The following NACC2 variants were observed in gnomAD, a reference collection of about 807,000 sequenced individuals.
NACC2 encodes the protein NACC family member 2.
In NACC2, 8 loss-of-function variants were observed where a neutral mutation model predicts 25.1. The observed-to-expected ratio is 0.32, with a 90% CI of 0.19 to 0.57. The LOEUF is 0.57. Ranked by LOEUF, NACC2 falls within the 20% of genes least tolerant of loss-of-function variation. The probability of loss-of-function intolerance (pLI) is 0.89; values close to 1 mark genes in which losing one functional copy is unlikely to be tolerated. For synonymous variants in NACC2, 435 were observed against 294.7 expected (o/e 1.48, Z -4.88); for missense variants, 644 against 650.2 (o/e 0.99, Z 0.10).
At chr9:136,078,519 G>A (rs1442002467) in intron 1 of NACC2, among the ~76,000 whole-genome samples, 2 of 152,212 alleles carry the variant, frequency 1.3e-5, no homozygotes, top group Non-Finnish European at 2.9e-5. Flanking sequence ...AGAAAACTGA[G>A]GCTTGGAGGT....
At position 136,013,358 on chromosome 9, in the gene NACC2, C is replaced by A; in HGVS notation, c.1158-62G>T. The A allele has an allele frequency of 6.7e-7, 1 of 1,491,908 alleles. No homozygotes were observed. The highest frequency in any genetic ancestry group is 1.2e-5 in the South Asian group (1 of 84,834). 92.4% of individuals were successfully genotyped at this position (1,491,908 alleles called of 1,614,324 possible). Reference sequence around the variant, plus strand: ...TGATGGGGAGGGTACCTGGAGGCGACCCGCCCGCACGAATGCCCTGCTGGG... The same window carrying A: ...TGATGGGGAGGGTACCTGGAGGCGAACCGCCCGCACGAATGCCCTGCTGGG... On this transcript the variant is annotated intron_variant, in intron 4 of 5. Transcript: ENST00000277554. This position sits in a 1 kb window ranked among gnomAD's most constrained non-coding sequence, Gnocchi z 6.6.
chr9:136,078,302 A>G (rs556537553), intron 1 of NACC2, among the ~76,000 whole-genome samples: 1 of 152,274 alleles, frequency 6.6e-6, no homozygotes, highest in East Asian at 1.9e-4. Context: ...GAATTCCACG[A>G]AGCTCAGTCC....
intron 1 of NACC2, among the ~76,000 whole-genome samples, chr9:136,062,157 CAGGACAGGACAGGACAGGAA>C (rs1472684050): frequency 5.1e-5 from 7 of 137,464 alleles, no homozygotes; most frequent in South Asian, 2.3e-4. Flanking sequence ...CAGGACAGGA[CAGGACAGGACAGGACAGGAA>C]AGGAAAGAGA....
At chr9:136,080,147 G>A (rs535833280) in intron 1 of NACC2, among the ~76,000 whole-genome samples, 1 of 152,206 alleles carries the variant, frequency 6.6e-6, no homozygotes, top group Non-Finnish European at 1.5e-5. Context: ...AAAAGCCAAC[G>A]GTTTGACCAC....
At chr9:136,077,518 A>G (rs4842107) in intron 1 of NACC2, among the ~76,000 whole-genome samples, 151,366 of 152,360 alleles carry the variant, frequency 0.99, 75,196 homozygotes, top group Middle Eastern at 1. Flanking sequence ...TTTGCAACAT[A>G]TGTATCTTCA....
intron 1 of NACC2, among the ~76,000 whole-genome samples, chr9:136,052,943 G>A (rs970604506): frequency 6.6e-6 from 1 of 152,232 alleles, no homozygotes; most frequent in Non-Finnish European, 1.5e-5. Flanking sequence ...CTCTGCGTGG[G>A]GCCCTGAGGC....
chr9:136,053,131 A>C (rs1007685180), intron 1 of NACC2, among the ~76,000 whole-genome samples: 1 of 152,174 alleles, frequency 6.6e-6, no homozygotes, highest in African/African-American at 2.4e-5. Flanking sequence ...GATGCGGAGG[A>C]GGCCCGAACA....
At chr9:136,024,175 TGTG>T (rs1840341909) in intron 2 of NACC2, among the ~76,000 whole-genome samples, 1 of 87,972 alleles carries the variant, frequency 1.1e-5, no homozygotes, top group South Asian at 3.3e-4. Flanking sequence ...TGTGTGTGTG[TGTG>T]AGGACGGAGT....
chr9:136,065,811 CAA>C (rs34024892), intron 1 of NACC2, among the ~76,000 whole-genome samples: 3 of 136,864 alleles, frequency 2.2e-5, no homozygotes. Context: ...ACCCTGTCTC[CAA>C]AAAAAAAAAA....
At chr9:136,016,877 C>T (rs529527853) in intron 2 of NACC2, among the ~76,000 whole-genome samples, 23 of 152,228 alleles carry the variant, frequency 1.5e-4, no homozygotes, top group African/African-American at 5.5e-4. Flanking sequence ...AGGGCAGCCA[C>T]TTCTGGGGCC....
Position 136,013,674 on chromosome 9 carries a change from C to T in NACC2, c.1157+190G>A, listed in dbSNP as rs1175313604. On this transcript the variant is annotated intron_variant, in intron 4 of 5. Transcript: ENST00000277554. The surrounding 1 kb of genome is among the most constrained non-coding windows in gnomAD (Gnocchi z 6.6). ...CCACAAGCCCGTTTGAGAAAGGCCA[C>T]GAAAGACAGCCCCTCCCTCCCTCCC... 6.6e-6 allele frequency among the ~76,000 whole-genome samples: 1 copy of T among 152,166 alleles called. No homozygotes were observed. Among genetic ancestry groups the T allele is most frequent in the African/African-American group, 2.4e-5 (1 of 41,442 alleles).
intron 1 of NACC2, among the ~76,000 whole-genome samples, chr9:136,069,419 G>A (rs1841124368): frequency 6.6e-6 from 1 of 151,118 alleles, no homozygotes. Context: ...CGTGGTGGCA[G>A]GCACCTGTAA....
chr9:136,074,932 G>A (rs1830245270), intron 1 of NACC2, among the ~76,000 whole-genome samples: 1 of 152,224 alleles, frequency 6.6e-6, no homozygotes, highest in South Asian at 2.1e-4. Flanking sequence ...TTCTCGCACG[G>A]CCTCCTTCTG....
chr9:136,031,002 A>AT (rs1840464961), intron 2 of NACC2, among the ~76,000 whole-genome samples: 1 of 152,136 alleles, frequency 6.6e-6, no homozygotes, highest in Admixed American at 6.6e-5. Flanking sequence ...ACTTCCAGAT[A>AT]TACACAACTT....
intron 2 of NACC2, among the ~76,000 whole-genome samples, chr9:136,016,706 C>T (rs1243220990): frequency 6.6e-6 from 1 of 152,158 alleles, no homozygotes; most frequent in Non-Finnish European, 1.5e-5. Flanking sequence ...CGAGAGATGC[C>T]CGCTCAGGCC....
chr9:136,093,370 G>C (rs1411395485), intron 1 of NACC2, among the ~76,000 whole-genome samples: 2 of 152,220 alleles, frequency 1.3e-5, no homozygotes, highest in African/African-American at 4.8e-5. Flanking sequence ...CCAGGGCAGA[G>C]CAGCCCTGCG....
intron 1 of NACC2, among the ~76,000 whole-genome samples, chr9:136,067,517 C>T (rs1588578315): frequency 6.6e-6 from 1 of 152,104 alleles, no homozygotes; most frequent in Non-Finnish European, 1.5e-5. Context: ...TTTTGTCGTT[C>T]TGTGAACACC....
rs1003673229 is a variant in NACC2 at position 136,043,779 on chromosome 9, CA to C, written c.886+5856del. On this transcript the variant is annotated intron_variant, in intron 2 of 5. Coordinates refer to ENST00000277554, the MANE Select transcript of NACC2 (RefSeq NM_144653.5). Reference sequence around the variant, plus strand: ...GATTGCAACATTGCACTTGATTGCACAGTGAACTCACTGATGGCACACTTTG... The same window carrying C: ...GATTGCAACATTGCACTTGATTGCACGTGAACTCACTGATGGCACACTTTG... Among the ~76,000 whole-genome samples, 15 of 152,294 alleles carry C rather than the reference CA, an allele frequency of 9.8e-5. 1 individual carries two copies. Among genetic ancestry groups the C allele is most frequent in the South Asian group, 8.3e-4 (4 of 4,826 alleles).
chr9:136,053,641 A>G (rs1017227358), intron 1 of NACC2, among the ~76,000 whole-genome samples: 32 of 152,324 alleles, frequency 2.1e-4, no homozygotes, highest in African/African-American at 7.7e-4. Flanking sequence ...CCTGTGCAAC[A>G]CAGCACAGAG....
Sources: gnomAD v4.1 joint callset for allele counts (sites outside exome capture counted in the v4.1 genomes callset) on GRCh38, gnomAD v4.1.1 for gene constraint, Gnocchi (gnomAD v3.1) non-coding constraint, MANE v1.5 for transcripts, NCBI Gene and HGNC (gene_info 2026-07-23, HGNC 2026-07-21) for gene names.